COL8A1: variants seen among roughly 807,000 people sequenced by gnomAD.
COL8A1 encodes collagen alpha-1(VIII) chain.
Under a neutral mutation model 42.7 loss-of-function variants are expected in COL8A1, and 21 were observed. That is an observed-to-expected ratio of 0.49 (90% CI 0.35 to 0.71). The LOEUF (loss-of-function observed/expected upper bound fraction) is 0.71. COL8A1 is among the 30% of genes least tolerant of loss of function. The probability of loss-of-function intolerance (pLI) is 0.01; values close to 1 mark genes in which losing one functional copy is unlikely to be tolerated. For synonymous variants in COL8A1, 367 were observed against 369.1 expected, an observed-to-expected ratio of 0.99 and a Z score of 0.06; for missense variants, 788 against 962.4, an observed-to-expected ratio of 0.82 and a Z score of 2.40.
At chr3:99,748,117 A>G (rs1941068762) in intron 2 of COL8A1, among the ~76,000 whole-genome samples, 1 of 152,218 alleles carries the variant, frequency 6.6e-6, no homozygotes, top group Non-Finnish European at 1.5e-5. Flanking sequence ...CATTATAAAG[A>G]GGAGGAATTT....
At chr3:99,733,083 G>A (rs911143473) in intron 1 of COL8A1, among the ~76,000 whole-genome samples, 2 of 149,616 alleles carry the variant, frequency 1.3e-5, no homozygotes, top group African/African-American at 4.9e-5. Context: ...TACTCCTGTG[G>A]CTTTGCAGGG....
intron 2 of COL8A1, among the ~76,000 whole-genome samples, chr3:99,772,183 T>C (rs1160279767): frequency 3.9e-5 from 6 of 152,154 alleles, no homozygotes; most frequent in African/African-American, 1.4e-4. Flanking sequence ...TGAAAAGACA[T>C]GTAGGAATCT....
chr3:99,644,585 G>C (rs995408591), intron 1 of COL8A1, among the ~76,000 whole-genome samples: 1 of 152,200 alleles, frequency 6.6e-6, no homozygotes, highest in Non-Finnish European at 1.5e-5. Flanking sequence ...GAAATAGTAA[G>C]TGTGTTTCTA....
chr3:99,675,921 C>T (rs1938678974), intron 1 of COL8A1, among the ~76,000 whole-genome samples: 1 of 151,906 alleles, frequency 6.6e-6, no homozygotes, highest in Non-Finnish European at 1.5e-5. Flanking sequence ...TCTTCAATGA[C>T]ATAAATAAAT....
At chr3:99,752,898 G>A (rs1229523715) in intron 2 of COL8A1, among the ~76,000 whole-genome samples, 1 of 152,068 alleles carries the variant, frequency 6.6e-6, no homozygotes, top group Non-Finnish European at 1.5e-5. Context: ...AGGGGAGATG[G>A]GTATATGAGG....
At chr3:99,644,179 T>C (rs1937593587) in intron 1 of COL8A1, among the ~76,000 whole-genome samples, 1 of 152,178 alleles carries the variant, frequency 6.6e-6, no homozygotes, top group Non-Finnish European at 1.5e-5. Flanking sequence ...GAGATGACTT[T>C]CTGTTTGAGT....
In COL8A1 at chr3:99,657,593, G is replaced by A. The variant is rs904580829; in HGVS notation, c.-129+18929G>A. Among the ~76,000 whole-genome samples, 11 of 152,090 alleles carry A rather than the reference G, an allele frequency of 7.2e-5. No homozygotes were observed. The East Asian group carries it at 7.7e-4, about 11-fold the overall frequency. The stretch of plus-strand genomic sequence containing the variant: ...AAAGTGTCTTTACTCTTTTCTCCCC[G>A]CGAGGATGAAACACCCTCAACTTAA... On this transcript the variant is annotated intron_variant, in intron 1 of 3. Coordinates refer to ENST00000652472, the MANE Select transcript of COL8A1 (RefSeq NM_020351.4).
chr3:99,772,847 T>C (rs1012168025), intron 2 of COL8A1, among the ~76,000 whole-genome samples: 1 of 152,166 alleles, frequency 6.6e-6, no homozygotes, highest in Non-Finnish European at 1.5e-5. Flanking sequence ...ATGTCTGTAC[T>C]AATGGGAACA....
chr3:99,761,912 G>A (rs752308486), intron 2 of COL8A1, among the ~76,000 whole-genome samples: 9 of 152,014 alleles, frequency 5.9e-5, no homozygotes, highest in African/African-American at 9.7e-5. Flanking sequence ...CCCAGGTTTC[G>A]TGGAATTTTT....
intron 2 of COL8A1, among the ~76,000 whole-genome samples, chr3:99,763,483 T>C (rs1941402352): frequency 6.6e-6 from 1 of 152,152 alleles, no homozygotes. Context: ...AATACCTACA[T>C]CGCACTTACT....
chr3:99,684,241 C>T (rs779881838), intron 1 of COL8A1, among the ~76,000 whole-genome samples: 4 of 152,112 alleles, frequency 2.6e-5, no homozygotes, highest in Non-Finnish European at 4.4e-5. Context: ...TCCTGGGTGC[C>T]TAGTACTGTA....
intron 1 of COL8A1, among the ~76,000 whole-genome samples, chr3:99,734,910 C>T (rs1166168970): frequency 1.3e-5 from 2 of 152,000 alleles, no homozygotes; most frequent in African/African-American, 4.8e-5. Context: ...CTCTTTGAAG[C>T]AATTGTGAAT....
chr3:99,665,840 C>T (rs1381626815), intron 1 of COL8A1, among the ~76,000 whole-genome samples: 1 of 150,368 alleles, frequency 6.7e-6, no homozygotes, highest in Non-Finnish European at 1.5e-5. Context: ...CGCTGCCACA[C>T]TTAGCTAATT....
intron 1 of COL8A1, among the ~76,000 whole-genome samples, chr3:99,666,232 G>T (rs1213305886): frequency 6.6e-6 from 1 of 151,990 alleles, no homozygotes; most frequent in African/African-American, 2.4e-5. Flanking sequence ...GAAATAACAG[G>T]GACAATATTT....
At chr3:99,784,925 C>T (rs1369428351) in intron 2 of COL8A1, among the ~76,000 whole-genome samples, 2 of 151,608 alleles carry the variant, frequency 1.3e-5, no homozygotes, top group African/African-American at 4.8e-5. Flanking sequence ...AACAAAGGTA[C>T]ATATCCTTGA....
At chr3:99,694,636 C>T (rs568580785) in intron 1 of COL8A1, among the ~76,000 whole-genome samples, 46 of 152,274 alleles carry the variant, frequency 3.0e-4, no homozygotes, top group African/African-American at 1.1e-3. Flanking sequence ...TTGTTTTATG[C>T]CTGATAAATC....
Position 99,693,588 on chromosome 3 carries a change from TTATAG to T in COL8A1, c.-128-51304_-128-51300del, listed in dbSNP as rs1410373730. 7.9e-5 allele frequency among the ~76,000 whole-genome samples: 12 copies of T among 152,332 alleles called. No individual in the cohort carries two copies. The South Asian group carries it at 8.3e-4, about 11-fold the overall frequency. ...AAAGAATATAAAAATAGAAAAACGC[TTATAG>T]TATAAGGATACAAAGAAAGAAACAT... On this transcript the variant is annotated intron_variant, in intron 1 of 3. Transcript: ENST00000652472.
rs1941255797 is a variant in COL8A1 at position 99,756,507 on chromosome 3, G to A, written c.-4+11486G>A. ...CTGTTTAGGACATGTTTATAAATAT[G>A]AATAATAGAAGCTTAGCTCCTAACT... On this transcript the variant is annotated intron_variant, in intron 2 of 3. Transcript: ENST00000652472. Among the ~76,000 whole-genome samples the A allele has an allele frequency of 3.9e-5, 6 of 152,238 alleles. No homozygotes were observed. In the South Asian group the frequency reaches 1.2e-3, roughly 32 times the overall value.
intron 1 of COL8A1, among the ~76,000 whole-genome samples, chr3:99,696,377 C>T (rs548879456): frequency 2.6e-5 from 4 of 152,302 alleles, no homozygotes; most frequent in Admixed American, 1.3e-4. Flanking sequence ...CAGGTCCTAT[C>T]CTCAAGGGCA....
Sources: gnomAD v4.1 joint callset for allele counts (sites outside exome capture counted in the v4.1 genomes callset) on GRCh38, gnomAD v4.1.1 for gene constraint, MANE v1.5 for transcripts, NCBI Gene and HGNC (gene_info 2026-07-23, HGNC 2026-07-21) for gene names.